Variants in CD72 observed in about 807,000 individuals in gnomAD.
CD72 encodes CD72 molecule.
Under a neutral mutation model 50.7 loss-of-function variants are expected in CD72, and 28 were observed. That is an observed-to-expected ratio of 0.55 (90% CI 0.41 to 0.76). The LOEUF is 0.76. CD72 is among the 30% of genes least tolerant of loss of function. The pLI is 0.00. For synonymous variants in CD72, 176 were observed against 171.2 expected, an observed-to-expected ratio of 1.03 and a Z score of -0.22; for missense variants, 403 against 420.6, an observed-to-expected ratio of 0.96 and a Z score of 0.37.
chr9:35,617,017 A>G, intron 3 of CD72, 159 bp downstream of exon 3: 1 of 1,454,248 alleles, frequency 6.9e-7, no homozygotes, highest in Non-Finnish European at 9.0e-7. Flanking sequence ...ATTCAGGCGC[A>G]CCGGATGAAG....
At chr9:35,634,456 G>A (rs1198652807) in intron 1 of CD72, among the ~76,000 whole-genome samples, 2 of 152,094 alleles carry the variant, frequency 1.3e-5, no homozygotes, top group African/African-American at 2.4e-5. Flanking sequence ...GGGTTCAAGC[G>A]ATTCTCCTGC....
At chr9:35,635,875 G>C (rs1823285184) in intron 1 of CD72, among the ~76,000 whole-genome samples, 1 of 152,100 alleles carries the variant, frequency 6.6e-6, no homozygotes, top group Admixed American at 6.6e-5. Context: ...GTTGTCAGAG[G>C]GGGTGTGGAA....
upstream of CD72, among the ~76,000 whole-genome samples, chr9:35,621,749 G>A (rs1451805187): frequency 1.3e-5 from 2 of 152,160 alleles, no homozygotes; most frequent in African/African-American, 2.4e-5. Flanking sequence ...CCAGAGAGAC[G>A]CCACAGGAGA....
intron 1 of CD72, among the ~76,000 whole-genome samples, chr9:35,625,146 G>A (rs1159392267): frequency 6.6e-6 from 1 of 152,222 alleles, no homozygotes; most frequent in Admixed American, 6.5e-5. Context: ...GCCAAGATAG[G>A]CCAAAAGCTA....
intron 1 of CD72, among the ~76,000 whole-genome samples, chr9:35,625,096 G>A (rs1823184291): frequency 6.6e-6 from 1 of 152,172 alleles, no homozygotes; most frequent in South Asian, 2.1e-4. Flanking sequence ...TACATCAAAA[G>A]CCAGAAAGGA....
chr9:35,616,386 G>T, intron 4 of CD72, 108 bp from the exon 5 acceptor site: 2 of 933,726 alleles, frequency 2.1e-6, no homozygotes, highest in Non-Finnish European at 1.6e-6. Context: ...TGCATCACAG[G>T]CTGAAATACA....
At position 35,616,091 on chromosome 9, in the gene CD72, C is replaced by G. The variant is rs751400591; in HGVS notation, c.540G>C (p.Ala180=). Residue 180 remains alanine (A), a synonymous_variant, in exon 5 of 9, where the codon GCG becomes GCC. Transcript: ENST00000259633. ...ALQVEQRAHQ[A]AEGQLQACQA... ...GGCAGGCCTGTAGCTGCCCTTCGGC[C>G]GCCTGATGAGCCCTCTGTTCCACCT... 1.9e-6 allele frequency: 3 copies of G among 1,614,108 alleles called. No individual in the cohort carries two copies. The East Asian group carries it at 6.7e-5, about 36-fold the overall frequency.
intron 1 of CD72, among the ~76,000 whole-genome samples, chr9:35,637,076 G>A (rs781709223): frequency 9.9e-5 from 15 of 151,666 alleles, no homozygotes; most frequent in Non-Finnish European, 1.9e-4. Context: ...TACTTTGTAC[G>A]ATACACCCTC....
At chr9:35,610,540 C>T (rs1822962545) in intron 8 of CD72, 62 bp downstream of exon 8, 2 of 1,113,590 alleles carry the variant, frequency 1.8e-6, no homozygotes, top group African/African-American at 5.0e-5. Flanking sequence ...TGCTCTGAGT[C>T]CCTGCTCTGA....
upstream of CD72, among the ~76,000 whole-genome samples, chr9:35,620,892 A>G (rs1224366456): frequency 5.3e-5 from 8 of 152,312 alleles, no homozygotes; most frequent in East Asian, 1.3e-3. Flanking sequence ...TGTCTTAACC[A>G]GGCTTGTTCT....
chr9:35,627,130 G>A (rs1335147615), intron 1 of CD72, among the ~76,000 whole-genome samples: 2 of 147,008 alleles, frequency 1.4e-5, no homozygotes, highest in African/African-American at 5.1e-5. Context: ...GAGCCACCAC[G>A]CCCGGCCTTT....
upstream of CD72, chr9:35,618,712 C>A: frequency 8.4e-7 from 1 of 1,187,406 alleles, no homozygotes; most frequent in Non-Finnish European, 1.1e-6. Context: ...TCCACTGGGG[C>A]TTATGATGTG....
chr9:35,637,254 C>T (rs1030787391), intron 1 of CD72, among the ~76,000 whole-genome samples: 6 of 152,232 alleles, frequency 3.9e-5, no homozygotes, highest in South Asian at 2.1e-4. Context: ...TCTATTCGGA[C>T]TCAGCCCGCC....
At chr9:35,634,060 T>C (rs1196160058) in intron 1 of CD72, among the ~76,000 whole-genome samples, 1 of 152,240 alleles carries the variant, frequency 6.6e-6, no homozygotes, top group Non-Finnish European at 1.5e-5. Flanking sequence ...AGTCCGCTTT[T>C]ATTTACTGTA....
chr9:35,610,526 C>CCCCTGCTCTGAGT (rs3831303), intron 8 of CD72, 76 bp downstream of exon 8: 9 of 1,174,346 alleles, frequency 7.7e-6, no homozygotes, highest in South Asian at 3.2e-5. Flanking sequence ...GGCCCCTGGG[C>CCCCTGCTCTGAGT]CCCTGCTCTG....
At chr9:35,612,749 G>A in intron 6 of CD72, 99 bp downstream of exon 6, 1 of 1,118,018 alleles carries the variant, frequency 8.9e-7, no homozygotes, top group Admixed American at 2.2e-5. Flanking sequence ...AAAAGGAATG[G>A]CCACCCCAGC....
intron 1 of CD72, among the ~76,000 whole-genome samples, chr9:35,634,764 G>A (rs927545159): frequency 7.9e-5 from 12 of 151,816 alleles, no homozygotes; most frequent in African/African-American, 2.2e-4. Context: ...TATCCCCACC[G>A]CCTGACTCCA....
chr9:35,611,668 AACAG>A, intron 7 of CD72, 132 bp downstream of exon 7: 1 of 596,346 alleles, frequency 1.7e-6, no homozygotes. Flanking sequence ...AAATAGAGGA[AACAG>A]ACAAATAGGC....
Position 35,616,222 on chromosome 9 carries a change from T to C in CD72, c.409A>G (p.Ser137Gly). 6.2e-7 allele frequency: 1 copy of C among 1,614,150 alleles called. No individual in the cohort carries two copies. Among genetic ancestry groups the C allele is most frequent in the Non-Finnish European group, 8.5e-7 (1 of 1,180,012 alleles). ...AGGCGGAGCTGCTGCCTCAGGCTGCTGTTAGTGACTTCCAGAACCCTGTTC... is the reference window on the plus strand; with the variant it reads ...AGGCGGAGCTGCTGCCTCAGGCTGCCGTTAGTGACTTCCAGAACCCTGTTC... ...QTNRVLEVTN[S>G]SLRQQLRLKI... Residue 137 changes from serine to glycine, a missense_variant, in exon 5 of 9, where the codon AGC becomes GGC. Ser to Gly is a moderately conservative substitution (Grantham distance 56, BLOSUM62 0). Transcript: ENST00000259633.
Sources: allele counts gnomAD v4.1 joint callset (sites outside exome capture counted in the v4.1 genomes callset), GRCh38; gene constraint gnomAD v4.1.1; transcripts MANE v1.5; gene names NCBI Gene and HGNC (gene_info 2026-07-23, HGNC 2026-07-21).